XRRA1: variants seen among roughly 807,000 people sequenced by gnomAD.
XRRA1 encodes the protein X-ray radiation resistance associated 1, also known as X-ray radiation resistance-associated protein 1.
XRRA1 carries 69 observed loss-of-function variants against 80.2 expected under a neutral mutation model. That is an observed-to-expected ratio of 0.86 (90% CI 0.71 to 1.05). The LOEUF (loss-of-function observed/expected upper bound fraction) is 1.05. XRRA1 is among the 50% of genes least tolerant of loss of function. XRRA1 has a pLI of 0.00. For missense variants in XRRA1, 967 were observed against 976.4 expected (o/e 0.99, Z 0.13); for synonymous variants, 348 against 389.9 (o/e 0.89, Z 1.27).
At position 74,844,333 on chromosome 11, in the gene XRRA1, C is replaced by G. The variant is rs75226304; in HGVS notation, c.1928-50G>C. 6,420 of 1,353,368 alleles carry G rather than the reference C, an allele frequency of 4.7e-3. 249 individuals carry two copies. The African/African-American group carries it at 0.082, about 17-fold the overall frequency. 83.8% of individuals were successfully genotyped at this position (1,353,368 alleles called of 1,614,324 possible). ...TCAAGGCACTTCCCCCTCCTCCTCC[C>G]AGATGCCTCCCCTGATTGCTTCATT... On this transcript the variant is annotated intron_variant, in intron 16 of 18. Coordinates refer to ENST00000684022, the MANE Select transcript of XRRA1 (RefSeq NM_001378157.1).
intron 7 of XRRA1, among the ~76,000 whole-genome samples, chr11:74,924,802 T>C (rs1222670930): frequency 6.6e-6 from 1 of 152,182 alleles, no homozygotes; most frequent in African/African-American, 2.4e-5. Flanking sequence ...CACTTACTCC[T>C]GCCTGGGTGA....
At chr11:74,864,881 G>C (rs2043054926) in intron 10 of XRRA1, among the ~76,000 whole-genome samples, 1 of 152,210 alleles carries the variant, frequency 6.6e-6, no homozygotes, top group Admixed American at 6.5e-5. Flanking sequence ...AAATTCTGAG[G>C]GGACCCAGTT....
At position 74,842,217 on chromosome 11, in the gene XRRA1, A is replaced by C. The variant is rs1408367816; in HGVS notation, c.*983T>G. ...CTCCTCTCCAACTCATCAGAAGAGC[A>C]TTTTGACAAAGACAGAGGACTTGGA... On this transcript the variant is annotated 3_prime_UTR_variant, in exon 19 of 19. Coordinates refer to ENST00000684022, the MANE Select transcript of XRRA1 (RefSeq NM_001378157.1). 6.6e-6 allele frequency: 1 copy of C among 152,224 alleles called. No individual in the cohort carries two copies. Among genetic ancestry groups the C allele is most frequent in the African/African-American group, 2.4e-5 (1 of 41,456 alleles). 9.4% of individuals were successfully genotyped at this position (152,224 alleles called of 1,614,324 possible).
At position 74,851,086 on chromosome 11, in the gene XRRA1, A is replaced by C; in HGVS notation, c.1380+2T>G. 1.2e-6 allele frequency: 2 copies of C among 1,605,584 alleles called. No individual in the cohort carries two copies. The highest frequency in any genetic ancestry group is 1.7e-6 in the Non-Finnish European group (2 of 1,174,740). ...GTGGGAGTCCTGCCTTGGAAGCCCT[A>C]CCTTCCATGATTCCTTCCGAGACAT... On this transcript the variant is annotated splice_donor_variant, in intron 14 of 18. Transcript: ENST00000684022. LOFTEE classifies it high-confidence loss of function.
At chr11:74,903,386 G>A (rs2053941462) in intron 10 of XRRA1, among the ~76,000 whole-genome samples, 1 of 152,172 alleles carries the variant, frequency 6.6e-6, no homozygotes, top group African/African-American at 2.4e-5. Context: ...AGCATATATT[G>A]TAGAATACTC....
At chr11:74,930,425 C>T (rs1943248067) in intron 5 of XRRA1, 53 bp from the exon 6 acceptor site, 3 of 1,417,692 alleles carry the variant, frequency 2.1e-6, no homozygotes, top group Non-Finnish European at 2.9e-6. Context: ...TAGTTCCCTG[C>T]CTAGAAGCCT....
chr11:74,908,455 G>C (rs935726916), intron 8 of XRRA1, among the ~76,000 whole-genome samples: 39 of 152,192 alleles, frequency 2.6e-4, no homozygotes, highest in African/African-American at 9.4e-4. Context: ...GAGCTAGAGA[G>C]AGCTTAACAA....
At chr11:74,935,829 G>A (rs80179632) in intron 4 of XRRA1, among the ~76,000 whole-genome samples, 1,650 of 152,216 alleles carry the variant, frequency 0.011, 33 homozygotes, top group African/African-American at 0.036. Context: ...GTGGCAAGAC[G>A]GGTAACAAGC....
At chr11:74,948,002 C>A (rs952589011) in intron 1 of XRRA1, among the ~76,000 whole-genome samples, 5 of 152,156 alleles carry the variant, frequency 3.3e-5, no homozygotes, top group Admixed American at 1.3e-4. Context: ...CATGAGCCCC[C>A]ACGCCCGGCC....
At chr11:74,889,075 G>C (rs1176729225) in intron 10 of XRRA1, among the ~76,000 whole-genome samples, 2 of 152,116 alleles carry the variant, frequency 1.3e-5, no homozygotes, top group East Asian at 1.9e-4. Flanking sequence ...TACTCCTCGA[G>C]AAGAGCAACT....
chr11:74,934,008 T>TTCAC (rs1424583839), intron 4 of XRRA1, 136 bp from the exon 5 acceptor site: 2 of 773,022 alleles, frequency 2.6e-6, no homozygotes, highest in African/African-American at 3.5e-5. Flanking sequence ...CATTCATTCA[T>TTCAC]TCATTCATTA....
At chr11:74,864,929 C>T (rs2043063956) in intron 10 of XRRA1, among the ~76,000 whole-genome samples, 1 of 152,208 alleles carries the variant, frequency 6.6e-6, no homozygotes, top group Non-Finnish European at 1.5e-5. Flanking sequence ...AGAGAACTAA[C>T]CAGACTGTGC....
At chr11:74,889,474 G>A (rs1444766880) in intron 10 of XRRA1, among the ~76,000 whole-genome samples, 1 of 152,230 alleles carries the variant, frequency 6.6e-6, no homozygotes, top group Non-Finnish European at 1.5e-5. Flanking sequence ...GACTATCGAG[G>A]CTAGGAAGAA....
At chr11:74,850,237 A>G (rs1204930536) in intron 14 of XRRA1, among the ~76,000 whole-genome samples, 3 of 152,196 alleles carry the variant, frequency 2.0e-5, no homozygotes, top group Non-Finnish European at 4.4e-5. Context: ...GCATACACGT[A>G]AGAGCTCTGC....
At position 74,907,193 on chromosome 11, in the gene XRRA1, T is replaced by C. The variant is rs761781161; in HGVS notation, c.737A>G (p.Asn246Ser). The change falls in exon 9 of 19, where the codon AAC (asparagine) becomes AGC (serine). Residue 246 changes from asparagine (N) to serine (S), a missense_variant. Asn to Ser is a conservative substitution (Grantham distance 46). Coordinates refer to ENST00000684022, the MANE Select transcript of XRRA1 (RefSeq NM_001378157.1). ...AAAGCAACTGGGGTTGGAGAGTCTGTTGTCATCCAGCATCAGTGTCTCCAG... is the reference window on the plus strand; with the variant it reads ...AAAGCAACTGGGGTTGGAGAGTCTGCTGTCATCCAGCATCAGTGTCTCCAG... ...PALETLMLDDNRLSNPSCFAS... is the reference protein window; with the variant it reads ...PALETLMLDDSRLSNPSCFAS... The C allele has an allele frequency of 1.5e-5, 24 of 1,613,976 alleles. No individual in the cohort carries two copies. The highest frequency in any genetic ancestry group is 2.2e-5 in the East Asian group (1 of 44,876).
intron 10 of XRRA1, among the ~76,000 whole-genome samples, chr11:74,882,983 C>G (rs566238864): frequency 0.01 from 1,547 of 152,332 alleles, 28 homozygotes; most frequent in African/African-American, 0.033. Flanking sequence ...TGCCCTGCCC[C>G]CAGAGGTGGA....
intron 8 of XRRA1, chr11:74,910,131 CTTACA>C (rs1271908970): frequency 6.6e-6 from 1 of 152,200 alleles, no homozygotes; most frequent in Non-Finnish European, 1.5e-5. Flanking sequence ...TTAGCAAGTA[CTTACA>C]TTACGACAAA....
intron 10 of XRRA1, among the ~76,000 whole-genome samples, chr11:74,904,043 G>A (rs962111622): frequency 8.5e-5 from 13 of 152,218 alleles, no homozygotes; most frequent in African/African-American, 3.1e-4. Flanking sequence ...GTAAACAGAA[G>A]TCTCTGCTCC....
At chr11:74,907,570 T>C (rs1019966822) in intron 8 of XRRA1, among the ~76,000 whole-genome samples, 4 of 152,116 alleles carry the variant, frequency 2.6e-5, no homozygotes, top group African/African-American at 7.2e-5. Flanking sequence ...TTATAGAAAA[T>C]GCCAGGTGAA....
Sources: allele counts gnomAD v4.1 joint callset (sites outside exome capture counted in the v4.1 genomes callset), GRCh38; gene constraint gnomAD v4.1.1; transcripts MANE v1.5; gene names NCBI Gene and HGNC (gene_info 2026-07-23, HGNC 2026-07-21).